The following MOXD1 variants were observed in gnomAD, a reference collection of about 807,000 sequenced individuals.
MOXD1 encodes the protein DBH-like monooxygenase protein 1.
A neutral mutation model predicts 66.6 loss-of-function variants in MOXD1; 62 were observed. The ratio of observed to expected loss-of-function variants is 0.93; its 90% confidence interval spans 0.76 to 1.15. MOXD1 has a LOEUF of 1.15. Among genes scored for constraint, MOXD1 ranks in the 50% most tolerant of loss-of-function variants. The probability of loss-of-function intolerance (pLI) is 0.00; values close to 1 mark genes in which losing one functional copy is unlikely to be tolerated. For synonymous variants in MOXD1, 303 were observed against 281.9 expected (o/e 1.07, Z -0.75); for missense variants, 847 against 754.6 (o/e 1.12, Z -1.44).
intron 4 of MOXD1, among the ~76,000 whole-genome samples, chr6:132,359,203 C>G (rs913996845): frequency 6.6e-6 from 1 of 151,432 alleles, no homozygotes; most frequent in African/African-American, 2.4e-5. Context: ...CACTGCAGCC[C>G]CAAACTCCTG....
intron 1 of MOXD1, among the ~76,000 whole-genome samples, chr6:132,377,057 C>T (rs556298000): frequency 1.3e-5 from 2 of 152,276 alleles, no homozygotes; most frequent in Admixed American, 1.3e-4. Context: ...AGTGTAGTGG[C>T]CACTGCTGGG....
intron 4 of MOXD1, among the ~76,000 whole-genome samples, chr6:132,361,061 A>G (rs1776009122): frequency 6.6e-6 from 1 of 152,174 alleles, no homozygotes; most frequent in South Asian, 2.1e-4. Context: ...GTGAGATTTC[A>G]GTGGTGCAAA....
intron 6 of MOXD1, among the ~76,000 whole-genome samples, 174 bp downstream of exon 6, chr6:132,327,839 T>C (rs1012775156): frequency 7.2e-5 from 11 of 152,200 alleles, no homozygotes; most frequent in African/African-American, 2.7e-4. Flanking sequence ...TGTTACAGTA[T>C]AATTATAAAT....
At chr6:132,387,151 T>C (rs946330740) in intron 1 of MOXD1, among the ~76,000 whole-genome samples, 1 of 151,406 alleles carries the variant, frequency 6.6e-6, no homozygotes, top group African/African-American at 2.4e-5. Context: ...CAGCCTAAGA[T>C]AGGGTGCTAT....
chr6:132,333,472 C>T (rs559921237), intron 4 of MOXD1, among the ~76,000 whole-genome samples: 10 of 151,908 alleles, frequency 6.6e-5, no homozygotes, highest in Admixed American at 4.6e-4. Flanking sequence ...TGCCTCTATT[C>T]AAAAATATTA....
chr6:132,384,518 T>G (rs9483440), intron 1 of MOXD1, among the ~76,000 whole-genome samples: 1 of 152,142 alleles, frequency 6.6e-6, no homozygotes, highest in Non-Finnish European at 1.5e-5. Context: ...AATTTTTAGA[T>G]AAATACTTAC....
At position 132,401,428 on chromosome 6, in the gene MOXD1, C is replaced by G. The variant is rs896829754; in HGVS notation, c.-2G>C. 2.4e-5 allele frequency: 35 copies of G among 1,472,382 alleles called. No homozygotes were observed. Among genetic ancestry groups the G allele is most frequent in the Non-Finnish European group, 3.0e-5 (33 of 1,117,218 alleles). The allele number at this position is 1,472,382 out of a possible 1,614,324, so 91.2% of individuals were successfully genotyped here. On this transcript the variant is annotated 5_prime_UTR_variant, in exon 1 of 12. Coordinates refer to ENST00000367963, the MANE Select transcript of MOXD1 (RefSeq NM_015529.4). ...CAGGAGCAGCGGCCAGCAGCACATCCTCGGGCGCCTCCTGCCCGCCGGTAC... is the reference window on the plus strand; with the variant it reads ...CAGGAGCAGCGGCCAGCAGCACATCGTCGGGCGCCTCCTGCCCGCCGGTAC...
chr6:132,309,475 C>A (rs778222509), intron 10 of MOXD1, among the ~76,000 whole-genome samples: 6 of 152,212 alleles, frequency 3.9e-5, no homozygotes, highest in Non-Finnish European at 7.3e-5. Context: ...AACGCTATTT[C>A]CATCAAACTA....
intron 4 of MOXD1, among the ~76,000 whole-genome samples, chr6:132,357,122 G>C (rs1192328812): frequency 6.6e-6 from 1 of 151,988 alleles, no homozygotes; most frequent in Non-Finnish European, 1.5e-5. Flanking sequence ...TTGCAAGATT[G>C]TTAAAAGCCA....
intron 4 of MOXD1, among the ~76,000 whole-genome samples, chr6:132,355,643 C>T (rs1000242286): frequency 6.6e-6 from 1 of 152,160 alleles, no homozygotes; most frequent in Non-Finnish European, 1.5e-5. Flanking sequence ...CCTAGACCTG[C>T]TTACAACCAG....
intron 1 of MOXD1, among the ~76,000 whole-genome samples, chr6:132,377,748 C>T (rs1776423598): frequency 6.6e-6 from 1 of 152,194 alleles, no homozygotes; most frequent in South Asian, 2.1e-4. Context: ...ATATCTTCAA[C>T]CTTACTGAAG....
chr6:132,333,304 C>T (rs1435473724), intron 4 of MOXD1, among the ~76,000 whole-genome samples: 1 of 141,588 alleles, frequency 7.1e-6, no homozygotes, highest in Non-Finnish European at 1.5e-5. Context: ...CCACTGCACT[C>T]CAGCCTGGGC....
At chr6:132,373,236 T>C (rs187421813) in intron 2 of MOXD1, among the ~76,000 whole-genome samples, 1 of 152,310 alleles carries the variant, frequency 6.6e-6, no homozygotes, top group East Asian at 1.9e-4. Context: ...AGATTATGTG[T>C]TCCAAAACAT....
chr6:132,398,935 C>CACAAAAAAAAAAAAAA, intron 1 of MOXD1, among the ~76,000 whole-genome samples: 1 of 75,124 alleles, frequency 1.3e-5, no homozygotes. Flanking sequence ...GAGACTTTGT[C>CACAAAAAAAAAAAAAA]AAAAAAAAAA....
rs139724563 is a variant in MOXD1, at chr6:132,297,796, A to G, written c.1668T>C (p.Ala556=). 14 of 1,601,912 alleles carry G rather than the reference A, an allele frequency of 8.7e-6. No homozygotes were observed. Among genetic ancestry groups the G allele is most frequent in the African/African-American group, 1.4e-5 (1 of 74,040 alleles). ...VNVRCSKTDN[A]EWSIQGMTAL... ...GTTAAAAAGAGCTTACCGACCACTC[A>G]GCATTGTCTGTCTTGGAACATCTCA... The change falls in exon 11 of 12, where the codon GCT becomes GCC. Residue 556 remains alanine, a synonymous_variant. Transcript: ENST00000367963.
chr6:132,370,906 G>C (rs1357276675), intron 4 of MOXD1, among the ~76,000 whole-genome samples: 1 of 152,018 alleles, frequency 6.6e-6, no homozygotes, highest in African/African-American at 2.4e-5. Flanking sequence ...AGAAAGATGA[G>C]GTACCAAGCA....
chr6:132,326,212 GTATTA>G (rs1270152703), intron 6 of MOXD1, among the ~76,000 whole-genome samples: 1 of 151,712 alleles, frequency 6.6e-6, no homozygotes. Context: ...AAACAAATTC[GTATTA>G]TGTTATATTT....
At chr6:132,349,202 C>T (rs1458765517) in intron 4 of MOXD1, among the ~76,000 whole-genome samples, 4 of 149,500 alleles carry the variant, frequency 2.7e-5, no homozygotes, top group African/African-American at 7.4e-5. Context: ...CATAGCTTAG[C>T]TCCTATATAT....
At chr6:132,309,690 C>T (rs1026029608) in intron 10 of MOXD1, among the ~76,000 whole-genome samples, 5 of 151,990 alleles carry the variant, frequency 3.3e-5, no homozygotes, top group African/African-American at 1.2e-4. Flanking sequence ...AGAACAAAGA[C>T]CTCAGAAATA....
Sources: gnomAD v4.1 joint callset for allele counts (sites outside exome capture counted in the v4.1 genomes callset) on GRCh38, gnomAD v4.1.1 for gene constraint, MANE v1.5 for transcripts, NCBI Gene and HGNC (gene_info 2026-07-23, HGNC 2026-07-21) for gene names.